MICAL3: variants seen among roughly 807,000 people sequenced by gnomAD.
MICAL3 encodes the protein [F-actin]-monooxygenase MICAL3.
A neutral mutation model predicts 207.4 loss-of-function variants in MICAL3; 62 were observed. The observed-to-expected ratio is 0.30, with a 90% CI of 0.24 to 0.37. The LOEUF (loss-of-function observed/expected upper bound fraction) is 0.37. Among genes scored for constraint, MICAL3 ranks in the 10% least tolerant of loss-of-function variants. The pLI is 1.00. For synonymous variants in MICAL3, 1,077 were observed against 1,069.3 expected, an observed-to-expected ratio of 1.01 and a Z score of -0.14; for missense variants, 2,368 against 2,635.6, an observed-to-expected ratio of 0.90 and a Z score of 2.22.
At chr22:17,997,441 G>C (rs2146478371) in intron 1 of MICAL3, among the ~76,000 whole-genome samples, 1 of 152,200 alleles carries the variant, frequency 6.6e-6, no homozygotes, top group East Asian at 1.9e-4. Context: ...CTAAAGTAAT[G>C]ACCCCCCACC....
At position 17,818,597 on chromosome 22, in the gene MICAL3, G is replaced by A. The variant is rs369937799; in HGVS notation, c.4064C>T (p.Thr1355Met). The A allele has an allele frequency of 8.1e-6, 13 of 1,613,532 alleles. 1 individual carries two copies. The highest frequency in any genetic ancestry group is 6.7e-5 in the African/African-American group (5 of 74,948). ...GAGGGACACTGGCCTGAAGGCAGGC[G>A]TGGGGAAGCTGGGCTCGGGCCCCTT... ...RSKGPEPSFP[T>M]PAFRPVSLKS... The change falls in exon 26 of 32, where the codon ACG (threonine) becomes ATG (methionine). Residue 1355 changes from threonine to methionine, a missense_variant. Thr to Met is a moderately conservative substitution (Grantham distance 81, BLOSUM62 -1). Around this residue, in one of 4 missense-constraint regions of MICAL3, gnomAD observed 1,770 missense variants for 1,863.2 expected, o/e 0.95. Transcript: ENST00000441493.
At chr22:17,866,670 T>TAGAATAGAATAG (rs1569103239) in intron 17 of MICAL3, among the ~76,000 whole-genome samples, 9 of 130,572 alleles carry the variant, frequency 6.9e-5, no homozygotes, top group South Asian at 5.1e-4. Context: ...GAATAGAATA[T>TAGAATAGAATAG]AGAATAGAAT....
rs199671602 is a variant in MICAL3, at chr22:17,906,752, G to C, written c.61C>G (p.Gln21Glu). 9 of 1,613,818 alleles carry C rather than the reference G, an allele frequency of 5.6e-6. No homozygotes were observed. ...AGGGTTCCCTTGCAGGTGGTGGCCT[G>C]GACAAACCGGTCAAAGAGGACATGA... The part of the protein sequence containing the change: ...PAHVLFDRFV[Q>E]ATTCKGTLKA... Residue 21 changes from glutamine (Q) to glutamate (E), a missense_variant, in exon 2 of 32, where the codon CAG (glutamine) becomes GAG (glutamate). This residue lies in a region of MICAL3 where 400 missense variants were observed against 547.0 expected (regional missense o/e 0.73). Coordinates refer to ENST00000441493, the MANE Select transcript of MICAL3 (RefSeq NM_015241.3).
At chr22:17,975,100 T>C (rs1464632517) in intron 1 of MICAL3, among the ~76,000 whole-genome samples, 1 of 151,982 alleles carries the variant, frequency 6.6e-6, no homozygotes, top group Admixed American at 6.5e-5. Context: ...AGCTCAAGAC[T>C]GACTTCTTTG....
At chr22:17,863,881 A>C (rs1237510008) in intron 19 of MICAL3, 1 of 985,328 alleles carries the variant, frequency 1.0e-6, no homozygotes, top group Non-Finnish European at 1.2e-6. Context: ...GCACTGGCTG[A>C]CCATCTTTAA....
At chr22:17,919,281 A>G (rs1363938010) in intron 1 of MICAL3, among the ~76,000 whole-genome samples, 1 of 152,084 alleles carries the variant, frequency 6.6e-6, no homozygotes, top group Non-Finnish European at 1.5e-5. Context: ...GCTAGTCTTG[A>G]ACTCCTGGGC....
chr22:17,847,989 T>A (rs1924819065), intron 19 of MICAL3, among the ~76,000 whole-genome samples: 1 of 152,096 alleles, frequency 6.6e-6, no homozygotes, highest in African/African-American at 2.4e-5. Context: ...TCAGCTACCT[T>A]CCCCATATGT....
intron 27 of MICAL3, chr22:17,814,833 G>A (rs1033254560): frequency 4.1e-5 from 6 of 144,644 alleles, no homozygotes; most frequent in African/African-American, 1.5e-4. Context: ...CCCTAGCCGG[G>A]CCGTCCCGTA....
At chr22:17,812,675 C>A (rs1231075020) in intron 27 of MICAL3, 2 of 338,914 alleles carry the variant, frequency 5.9e-6, no homozygotes, top group Non-Finnish European at 8.4e-6. Flanking sequence ...AAAACAAACA[C>A]ACAAGACTTA....
intron 1 of MICAL3, among the ~76,000 whole-genome samples, chr22:17,954,788 C>T (rs555948745): frequency 6.6e-6 from 1 of 151,946 alleles, no homozygotes; most frequent in Admixed American, 6.6e-5. Flanking sequence ...GCTCTGTCGC[C>T]CAGGCTGGAG....
chr22:17,931,470 G>A (rs950345428), intron 1 of MICAL3, among the ~76,000 whole-genome samples: 2 of 152,188 alleles, frequency 1.3e-5, no homozygotes, highest in African/African-American at 4.8e-5. Context: ...GAGCCCAACG[G>A]GGTGTGGCTT....
chr22:17,799,323 A>C (rs1188723798), intron 29 of MICAL3, among the ~76,000 whole-genome samples: 1 of 152,196 alleles, frequency 6.6e-6, no homozygotes, highest in Non-Finnish European at 1.5e-5. Flanking sequence ...TGGGGGTTGC[A>C]GTGAGTGGAG....
At chr22:17,799,945 C>T (rs1296689508) in intron 29 of MICAL3, among the ~76,000 whole-genome samples, 2 of 128,818 alleles carry the variant, frequency 1.6e-5, no homozygotes, top group African/African-American at 6.8e-5. Context: ...AAACCTCACT[C>T]TAAAACACAC....
In MICAL3 at chr22:17,924,040, T is replaced by C. The variant is rs148412694; in HGVS notation, c.-74-17154A>G. On this transcript the variant is annotated intron_variant, in intron 1 of 31. Coordinates refer to ENST00000441493, the MANE Select transcript of MICAL3 (RefSeq NM_015241.3). ...CACGAAGAGGGAGAGAAGCCCCTTA[T>C]AAAAGCATCAGATCTCAAGAGAACT... Among the ~76,000 whole-genome samples, 864 of 152,246 alleles carry C rather than the reference T, an allele frequency of 5.7e-3. 6 individuals carry two copies. Among genetic ancestry groups the C allele is most frequent in the Non-Finnish European group, 5.5e-3 (372 of 68,014 alleles).
chr22:17,814,799 C>T (rs1223882685), intron 27 of MICAL3: 1 of 147,028 alleles, frequency 6.8e-6, no homozygotes, highest in African/African-American at 2.5e-5. Context: ...TCCCCTAGCT[C>T]GACTGTCCCG....
At position 17,830,475 on chromosome 22, in the gene MICAL3, C is replaced by T. The variant is rs1327351290; in HGVS notation, c.3055+1379G>A. Among the ~76,000 whole-genome samples the T allele has an allele frequency of 3.3e-5, 5 of 152,212 alleles. No individual in the cohort carries two copies. The South Asian group carries it at 1.0e-3, about 32-fold the overall frequency. ...TCCTGAAAAGGGAACGTGCTTCGAC[C>T]CGAAGCTGTGCCAGGGCTCAAAGCT... On this transcript the variant is annotated intron_variant, in intron 21 of 31. Transcript: ENST00000441493.
chr22:17,894,802 A>G (rs528340156), intron 10 of MICAL3, among the ~76,000 whole-genome samples: 6 of 152,094 alleles, frequency 3.9e-5, no homozygotes, highest in Non-Finnish European at 7.4e-5. Flanking sequence ...ATCTCAAAAA[A>G]AAAAAAAAAA....
Position 17,888,869 on chromosome 22 carries a change from A to G in MICAL3, c.1891+165T>C, listed in dbSNP as rs541983369. 8.5e-5 allele frequency among the ~76,000 whole-genome samples: 13 copies of G among 152,332 alleles called. No individual in the cohort carries two copies. The South Asian group carries it at 1.9e-3, about 22-fold the overall frequency. On this transcript the variant is annotated intron_variant, in intron 13 of 31. Coordinates refer to ENST00000441493, the MANE Select transcript of MICAL3 (RefSeq NM_015241.3). ...AGAACACACTACTAGAGAAGGGAGA[A>G]ACAATGAAGCAAAGCTCCAGAGATT...
At chr22:18,010,675 C>G (rs2146502998) in intron 1 of MICAL3, among the ~76,000 whole-genome samples, 1 of 152,240 alleles carries the variant, frequency 6.6e-6, no homozygotes, top group Non-Finnish European at 1.5e-5. Flanking sequence ...AGAGTTCCTT[C>G]CACCTTGAGC....
Sources: allele counts gnomAD v4.1 joint callset (sites outside exome capture counted in the v4.1 genomes callset), GRCh38; gene constraint gnomAD v4.1.1; regional missense constraint gnomAD v4.1.1; transcripts MANE v1.5; gene names NCBI Gene and HGNC (gene_info 2026-07-23, HGNC 2026-07-21).